Variants in KCNA10 observed in about 807,000 individuals in gnomAD.
The protein encoded by KCNA10 is cyclic GMP gated potassium channel.
KCNA10 carries 16 observed loss-of-function variants against 21.4 expected under a neutral mutation model. That is an observed-to-expected ratio of 0.75 (90% CI 0.51 to 1.14). The LOEUF is 1.14. KCNA10 is among the 50% of genes most tolerant of loss of function. The pLI is 0.00. For missense variants in KCNA10, 677 were observed against 649.1 expected (o/e 1.04, Z -0.47); for synonymous variants, 276 against 245.9 (o/e 1.12, Z -1.15).
At position 110,518,576 on chromosome 1, in the gene KCNA10, G is replaced by A. The variant is rs751787719; in HGVS notation, c.212C>T (p.Ala71Val). 4.3e-6 allele frequency: 7 copies of A among 1,614,062 alleles called. No homozygotes were observed. In the Admixed American group the frequency reaches 1.2e-4, roughly 27 times the overall value. Reference protein sequence around the residue: ...TAFSKLPGDYADPPGPEPVVL... With the variant: ...TAFSKLPGDYVDPPGPEPVVL... ...CACTGGCTCAGGCCCTGGGGGGTCA[G>A]CATAGTCTCCCGGAAGCTTGGAGAA... The change falls in exon 1 of 1, where the codon GCT (alanine) becomes GTT (valine). Residue 71 changes from alanine to valine, a missense_variant. By Grantham distance (64) the Ala-to-Val change is moderately conservative. Coordinates refer to ENST00000369771, the MANE Select transcript of KCNA10 (RefSeq NM_005549.2).
Position 110,518,740 on chromosome 1 carries a change from A to G in KCNA10, c.48T>C (p.Phe16=). 6.2e-7 allele frequency: 1 copy of G among 1,607,486 alleles called. No individual in the cohort carries two copies. The highest frequency in any genetic ancestry group is 8.5e-7 in the Non-Finnish European group (1 of 1,175,740). The part of the protein sequence containing the change: ...WKEMEVALVN[F]DNSDEIQEEP... ...CTTCTTGGATTTCATCTGAATTATC[A>G]AAATTGACCAGCGCAACCTCCATTT... Residue 16 remains phenylalanine, a synonymous_variant, in exon 1 of 1, where the codon TTT becomes TTC. Transcript: ENST00000369771.
At position 110,517,306 on chromosome 1, in the gene KCNA10, TG is replaced by T. The variant is rs998712043; in HGVS notation, c.1481del (p.Thr494LysfsTer?). Reference protein sequence around the residue: ...LNSVGSRMGSTDSLNKTNGGC... With the variant: ...LNSVGSRMGSXDSLNKTNGGC... ...CACCATTGGTCTTATTAAGAGAGTC[TG>T]TGCTGCCCATTCTTGAGCCTACACT... is the stretch of plus-strand genomic sequence containing the variant. On this transcript the variant is annotated frameshift_variant, in exon 1 of 1. Coordinates refer to ENST00000369771, the MANE Select transcript of KCNA10 (RefSeq NM_005549.2). LOFTEE classifies it high-confidence loss of function. 1 of 1,614,174 alleles carries T rather than the reference TG, an allele frequency of 6.2e-7. No individual in the cohort carries two copies. The highest frequency in any genetic ancestry group is 1.3e-5 in the African/African-American group (1 of 75,036).
chr1:110,518,824 G>A lies in KCNA10; in HGVS notation c.-37C>T. 1 of 1,445,732 alleles carries A rather than the reference G, an allele frequency of 6.9e-7. No homozygotes were observed. The highest frequency in any genetic ancestry group is 9.3e-7 in the Non-Finnish European group (1 of 1,078,390). The allele number at this position is 1,445,732 out of a possible 1,614,324, so 89.6% of individuals were successfully genotyped here. Reference sequence around the variant, plus strand: ...CAGGGAAGAAGCATGAAGATCCTCAGCCTTCACTGCCTGCTGTGAGCTATG... The same window carrying A: ...CAGGGAAGAAGCATGAAGATCCTCAACCTTCACTGCCTGCTGTGAGCTATG... On this transcript the variant is annotated 5_prime_UTR_variant, in exon 1 of 1. Transcript: ENST00000369771.
In KCNA10 at chr1:110,517,962, A is replaced by G; in HGVS notation, c.826T>C (p.Ser276Pro). 7 of 1,613,630 alleles carry G rather than the reference A, an allele frequency of 4.3e-6. No homozygotes were observed. Among genetic ancestry groups the G allele is most frequent in the Non-Finnish European group, 5.9e-6 (7 of 1,179,950 alleles). ...AAGGTGAACCACACGATGCAGGTAG[A>G]CTCCACCATGAAGAAAGGGTCGGTG... ...MFTDPFFMVE[S>P]TCIVWFTFEL... Residue 276 changes from serine to proline, a missense_variant, in exon 1 of 1, where the codon TCT becomes CCT. Ser to Pro is a moderately conservative substitution (Grantham distance 74, BLOSUM62 -1). Coordinates refer to ENST00000369771, the MANE Select transcript of KCNA10 (RefSeq NM_005549.2).
chr1:110,517,843 G>A lies in KCNA10; in HGVS notation c.945C>T (p.Tyr315=), dbSNP rs1192990725. 2 of 1,614,132 alleles carry A rather than the reference G, an allele frequency of 1.2e-6. No individual in the cohort carries two copies. Among genetic ancestry groups the A allele is most frequent in the Non-Finnish European group, 1.7e-6 (2 of 1,180,008 alleles). ...NIIDIISIIP[Y]FATLITELVQ... is the part of the protein sequence containing the mutation. ...CTAGCTCTGTGATGAGAGTTGCAAA[G>A]TAGGGGATAATGGAGATGATGTCAA... is the stretch of plus-strand genomic sequence containing the variant. The change falls in exon 1 of 1, where the codon TAC becomes TAT. Residue 315 remains tyrosine, a synonymous_variant. Coordinates refer to ENST00000369771, the MANE Select transcript of KCNA10 (RefSeq NM_005549.2).
At position 110,517,300 on chromosome 1, in the gene KCNA10, A is replaced by G. The variant is rs747743095; in HGVS notation, c.1488T>C (p.Ser496=). 6.2e-7 allele frequency: 1 copy of G among 1,614,138 alleles called. No homozygotes were observed. Among genetic ancestry groups the G allele is most frequent in the Non-Finnish European group, 8.5e-7 (1 of 1,180,022 alleles). Residue 496 remains serine (S), a synonymous_variant, in exon 1 of 1, where the codon TCT becomes TCC. Transcript: ENST00000369771. ...SVGSRMGSTD[S]LNKTNGGCST... ...AACAGCCACCATTGGTCTTATTAAG[A>G]GAGTCTGTGCTGCCCATTCTTGAGC...
chr1:110,518,912 G>T lies in KCNA10; in HGVS notation c.-125C>A. 1 of 785,580 alleles carries T rather than the reference G, an allele frequency of 1.3e-6. No homozygotes were observed. Among genetic ancestry groups the T allele is most frequent in the Non-Finnish European group, 2.0e-6 (1 of 500,572 alleles). 48.7% of individuals were successfully genotyped at this position (785,580 alleles called of 1,614,324 possible). ...ATACAACTGGCCCTTGTTTATTGAG[G>T]TAAGGTACACCAATGGGCTAATCAA... On this transcript the variant is annotated 5_prime_UTR_variant, in exon 1 of 1. Transcript: ENST00000369771.
At position 110,518,933 on chromosome 1, in the gene KCNA10, A is replaced by G. The variant is rs1570715728; in HGVS notation, c.-146T>C. On this transcript the variant is annotated 5_prime_UTR_variant, in exon 1 of 1. Transcript: ENST00000369771. Reference sequence around the variant, plus strand: ...TGAGGTAAGGTACACCAATGGGCTAATCAATGACTTATTTGTAGCTTGGGA... The same window carrying G: ...TGAGGTAAGGTACACCAATGGGCTAGTCAATGACTTATTTGTAGCTTGGGA... 13 of 561,994 alleles carry G rather than the reference A, an allele frequency of 2.3e-5. No homozygotes were observed. The highest frequency in any genetic ancestry group is 3.5e-4 in the Middle Eastern group (1 of 2,864). 34.8% of individuals were successfully genotyped at this position (561,994 alleles called of 1,614,324 possible).
In KCNA10 at chr1:110,517,823, T is replaced by C. The variant is rs968278633; in HGVS notation, c.965A>G (p.Glu322Gly). The change falls in exon 1 of 1, where the codon GAG becomes GGG. Residue 322 changes from glutamate to glycine, a missense_variant. By Grantham distance (98) the Glu-to-Gly change is moderately conservative. Coordinates refer to ENST00000369771, the MANE Select transcript of KCNA10 (RefSeq NM_005549.2). Reference protein sequence around the residue: ...IIPYFATLITELVQETEPSAQ... With the variant: ...IIPYFATLITGLVQETEPSAQ... ...ACTCGGCTCTGTCTCCTGGACTAGC[T>C]CTGTGATGAGAGTTGCAAAGTAGGG... 6.2e-7 allele frequency: 1 copy of C among 1,613,992 alleles called. No individual in the cohort carries two copies. Among genetic ancestry groups the C allele is most frequent in the Non-Finnish European group, 8.5e-7 (1 of 1,180,038 alleles).
In KCNA10 at chr1:110,518,523, T is replaced by C. The variant is rs368764831; in HGVS notation, c.265A>G (p.Ile89Val). 7.4e-6 allele frequency: 12 copies of C among 1,614,092 alleles called. No individual in the cohort carries two copies. The African/African-American group carries it at 1.5e-4, about 20-fold the overall frequency. Residue 89 changes from isoleucine (I) to valine (V), a missense_variant, in exon 1 of 1, where the codon ATC becomes GTC. Ile to Val is a conservative substitution (Grantham distance 29, BLOSUM62 3). Coordinates refer to ENST00000369771, the MANE Select transcript of KCNA10 (RefSeq NM_005549.2). ...VVLNEGNQRV[I>V]INIAGLRFET... The stretch of plus-strand genomic sequence containing the variant: ...AATCTCAGCCCAGCAATGTTGATGA[T>C]CACCCGCTGGTTTCCTTCATTTAGG...
In KCNA10 at chr1:110,518,610, C is replaced by T. The variant is rs773796325; in HGVS notation, c.178G>A (p.Glu60Lys). 6.2e-7 allele frequency: 1 copy of T among 1,614,196 alleles called. No individual in the cohort carries two copies. The highest frequency in any genetic ancestry group is 8.5e-7 in the Non-Finnish European group (1 of 1,180,034). ...CCCGGAAGCTTGGAGAAGGCCGTCT[C>T]ATGGTTGGTGCTTTCGCTGATGAGG... The part of the protein sequence containing the change: ...KILISESTNH[E>K]TAFSKLPGDY... Residue 60 changes from glutamate (E) to lysine (K), a missense_variant, in exon 1 of 1, where the codon GAG (glutamate) becomes AAG (lysine). By Grantham distance (56) the Glu-to-Lys change is moderately conservative. Coordinates refer to ENST00000369771, the MANE Select transcript of KCNA10 (RefSeq NM_005549.2).
Position 110,517,518 on chromosome 1 carries a change from A to G in KCNA10, c.1270T>C (p.Tyr424His). The G allele has an allele frequency of 6.2e-7, 1 of 1,614,222 alleles. No individual in the cohort carries two copies. The highest frequency in any genetic ancestry group is 1.3e-5 in the African/African-American group (1 of 75,048). Residue 424 changes from tyrosine to histidine, a missense_variant, in exon 1 of 1, where the codon TAT becomes CAT. Transcript: ENST00000369771. ...WAVVTMTTVG[Y>H]GDMCPTTPGG... ...GGGGTGGTCGGGCACATGTCCCCATAGCCTACAGTTGTCATGGTGACCACT... is the reference window on the plus strand; with the variant it reads ...GGGGTGGTCGGGCACATGTCCCCATGGCCTACAGTTGTCATGGTGACCACT...
chr1:110,518,872 A>G lies in KCNA10; in HGVS notation c.-85T>C, dbSNP rs1647301169. The G allele has an allele frequency of 8.4e-7, 1 of 1,188,636 alleles. No individual in the cohort carries two copies. The highest frequency in any genetic ancestry group is 1.2e-6 in the Non-Finnish European group (1 of 859,004). The allele number at this position is 1,188,636 out of a possible 1,614,324, so 73.6% of individuals were successfully genotyped here. On this transcript the variant is annotated 5_prime_UTR_variant, in exon 1 of 1. Transcript: ENST00000369771. ...ATGGAGAAGAAGAAGTTCATTATAC[A>G]AGATCCAGGGCAGAATACAACTGGC... is the stretch of plus-strand genomic sequence containing the variant.
rs36028106 is a variant in KCNA10, at chr1:110,518,122, C to T, written c.666G>A (p.Ser222=). 1.2e-3 allele frequency: 1,904 copies of T among 1,613,710 alleles called. 34 individuals carry two copies. In the African/African-American group the frequency reaches 0.022, roughly 19 times the overall value. The change falls in exon 1 of 1, where the codon TCG becomes TCA. Residue 222 remains serine (S), a synonymous_variant. Coordinates refer to ENST00000369771, the MANE Select transcript of KCNA10 (RefSeq NM_005549.2). ...TGATGGAGATGACCACAACCAACACCGAGACCACGGCCACAGCACGGGCAG... is the reference window on the plus strand; with the variant it reads ...TGATGGAGATGACCACAACCAACACTGAGACCACGGCCACAGCACGGGCAG... The part of the protein sequence containing the change: ...SSAARAVAVV[S]VLVVVISITI...
chr1:110,518,258 T>G lies in KCNA10; in HGVS notation c.530A>C (p.Asp177Ala), dbSNP rs753223141. ...SFYELGSEAM[D>A]QFREDEGFIK... ...GAAGCCTTCATCCTCCCGGAACTGG[T>G]CCATGGCCTCACTACCCAGCTCATA... Residue 177 changes from aspartate (D) to alanine (A), a missense_variant, in exon 1 of 1, where the codon GAC (aspartate) becomes GCC (alanine). Transcript: ENST00000369771. 1 of 1,614,144 alleles carries G rather than the reference T, an allele frequency of 6.2e-7. No homozygotes were observed. The highest frequency in any genetic ancestry group is 1.7e-5 in the Admixed American group (1 of 60,022).
Position 110,518,612 on chromosome 1 carries a change from T to C in KCNA10, c.176A>G (p.His59Arg). 2 of 1,614,116 alleles carry C rather than the reference T, an allele frequency of 1.2e-6. No homozygotes were observed. Among genetic ancestry groups the C allele is most frequent in the Non-Finnish European group, 1.7e-6 (2 of 1,180,004 alleles). The change falls in exon 1 of 1, where the codon CAT (histidine) becomes CGT (arginine). Residue 59 changes from histidine (H) to arginine (R), a missense_variant. His to Arg is a conservative substitution (Grantham distance 29). Coordinates refer to ENST00000369771, the MANE Select transcript of KCNA10 (RefSeq NM_005549.2). ...CGGAAGCTTGGAGAAGGCCGTCTCA[T>C]GGTTGGTGCTTTCGCTGATGAGGAT... is the stretch of plus-strand genomic sequence containing the variant. ...GKILISESTNHETAFSKLPGD... is the reference protein window; with the variant it reads ...GKILISESTNRETAFSKLPGD...
rs370709737 is a variant in KCNA10 at position 110,517,757 on chromosome 1, C to A, written c.1031G>T (p.Arg344Leu). 1 of 1,614,152 alleles carries A rather than the reference C, an allele frequency of 6.2e-7. No homozygotes were observed. The highest frequency in any genetic ancestry group is 1.6e-4 in the Middle Eastern group (1 of 6,062). ...NMSLAILRII[R>L]LVRVFRIFKL... ...GAAGATGCGGAAGACCCTCACCAGG[C>A]GGATGATCCTCAGGATGGCCAGGGA... The change falls in exon 1 of 1, where the codon CGC becomes CTC. Residue 344 changes from arginine to leucine, a missense_variant. Coordinates refer to ENST00000369771, the MANE Select transcript of KCNA10 (RefSeq NM_005549.2).
chr1:110,517,513 C>G lies in KCNA10; in HGVS notation c.1275G>C (p.Gly425=). 1 of 1,614,160 alleles carries G rather than the reference C, an allele frequency of 6.2e-7. No homozygotes were observed. Among genetic ancestry groups the G allele is most frequent in the East Asian group, 2.2e-5 (1 of 44,874 alleles). The change falls in exon 1 of 1, where the codon GGG becomes GGC. Residue 425 remains glycine, a synonymous_variant. Coordinates refer to ENST00000369771, the MANE Select transcript of KCNA10 (RefSeq NM_005549.2). ...AVVTMTTVGY[G]DMCPTTPGGK... is the part of the protein sequence containing the mutation. ...CCCCTGGGGTGGTCGGGCACATGTC[C>G]CCATAGCCTACAGTTGTCATGGTGA...
At position 110,517,447 on chromosome 1, in the gene KCNA10, G is replaced by A. The variant is rs946428983; in HGVS notation, c.1341C>T (p.Leu447=). 2 of 1,614,088 alleles carry A rather than the reference G, an allele frequency of 1.2e-6. No homozygotes were observed. The highest frequency in any genetic ancestry group is 1.3e-5 in the African/African-American group (1 of 74,940). Residue 447 remains leucine (L), a synonymous_variant, in exon 1 of 1, where the codon CTC becomes CTT. Coordinates refer to ENST00000369771, the MANE Select transcript of KCNA10 (RefSeq NM_005549.2). ...VGTLCAIAGV[L]TIALPVPVIV... is the part of the protein sequence containing the mutation. The stretch of plus-strand genomic sequence containing the variant: ...TGACAGGCACAGGGAGGGCAATGGT[G>A]AGGACCCCTGCAATGGCACACAGAG...
Sources: gnomAD v4.1 joint callset for allele counts on GRCh38, gnomAD v4.1.1 for gene constraint, MANE v1.5 for transcripts, NCBI Gene and HGNC (gene_info 2026-07-23, HGNC 2026-07-21) for gene names.